The following FAM107B variants were observed in gnomAD, a reference collection of about 807,000 sequenced individuals.
FAM107B encodes family with sequence similarity 107 member B.
A neutral mutation model predicts 31.5 loss-of-function variants in FAM107B; 21 were observed. That is an observed-to-expected ratio of 0.67 (90% CI 0.47 to 0.96). FAM107B has a LOEUF of 0.96. Ranked by LOEUF, FAM107B falls within the 40% of genes least tolerant of loss-of-function variation. The pLI, the probability that FAM107B is intolerant of heterozygous loss-of-function variation, is 0.00. For synonymous variants in FAM107B, 157 were observed against 141.5 expected (o/e 1.11, Z -0.78); for missense variants, 452 against 377.1 (o/e 1.20, Z -1.64).
At chr10:14,688,333 A>G (rs777978598) in intron 1 of FAM107B, among the ~76,000 whole-genome samples, 64 of 152,218 alleles carry the variant, frequency 4.2e-4, no homozygotes, top group Non-Finnish European at 7.2e-4. Flanking sequence ...CAGAAGGCCT[A>G]TTGTGGGACT....
intron 1 of FAM107B, among the ~76,000 whole-genome samples, chr10:14,703,030 C>A (rs1855436936): frequency 6.8e-6 from 1 of 146,280 alleles, no homozygotes; most frequent in Non-Finnish European, 1.5e-5. Flanking sequence ...AATCTCTATT[C>A]CCCCACCCAT....
chr10:14,575,549 C>T (rs1851439079), intron 2 of FAM107B, among the ~76,000 whole-genome samples: 1 of 152,108 alleles, frequency 6.6e-6, no homozygotes, highest in Non-Finnish European at 1.5e-5. Context: ...CAAGAAAAAG[C>T]ACTGTGTGAT....
chr10:14,718,825 G>A (rs971401581), intron 1 of FAM107B, among the ~76,000 whole-genome samples: 3 of 152,212 alleles, frequency 2.0e-5, no homozygotes, highest in Non-Finnish European at 4.4e-5. Flanking sequence ...CATTGCAGTT[G>A]ATGAACAACA....
intron 1 of FAM107B, among the ~76,000 whole-genome samples, chr10:14,774,014 A>T (rs551973474): frequency 2.6e-5 from 4 of 152,206 alleles, no homozygotes; most frequent in Non-Finnish European, 4.4e-5. Flanking sequence ...CCGTTAATTC[A>T]AGGTTACCTT....
At chr10:14,765,359 T>G (rs1186014848) in intron 1 of FAM107B, among the ~76,000 whole-genome samples, 1 of 152,226 alleles carries the variant, frequency 6.6e-6, no homozygotes, top group Non-Finnish European at 1.5e-5. Context: ...ATCTGCACCA[T>G]GTAAATTTTC....
chr10:14,607,027 C>T (rs1053691380), intron 2 of FAM107B, among the ~76,000 whole-genome samples: 1 of 152,174 alleles, frequency 6.6e-6, no homozygotes, highest in East Asian at 1.9e-4. Flanking sequence ...CAGCAGTGAG[C>T]CTGACTTCTC....
intron 1 of FAM107B, among the ~76,000 whole-genome samples, chr10:14,690,859 T>C (rs1855117005): frequency 6.6e-6 from 1 of 152,230 alleles, no homozygotes; most frequent in South Asian, 2.1e-4. Context: ...GAGAACAGGA[T>C]GCAAAAACTA....
At chr10:14,696,610 A>G (rs955791524) in intron 1 of FAM107B, among the ~76,000 whole-genome samples, 1 of 152,212 alleles carries the variant, frequency 6.6e-6, no homozygotes, top group African/African-American at 2.4e-5. Flanking sequence ...GGCAGGATTC[A>G]GTCATGAAAT....
intron 2 of FAM107B, among the ~76,000 whole-genome samples, chr10:14,595,525 G>C (rs773069823): frequency 1.4e-5 from 2 of 143,884 alleles, no homozygotes; most frequent in Middle Eastern, 3.8e-3. Context: ...TCCTGAGTTC[G>C]AGCGATTCTC....
rs536407318 is a variant in FAM107B, at chr10:14,570,318, C to T, written c.470-39803G>A. On this transcript the variant is annotated intron_variant, in intron 2 of 4. Transcript: ENST00000181796. ...GATTTTTACCCAATATCTGTGTACA[C>T]CAAGGCCCAGCAGGGCAGGGTGGTT... 3.3e-5 allele frequency among the ~76,000 whole-genome samples: 5 copies of T among 151,450 alleles called. No individual in the cohort carries two copies. In the East Asian group the frequency reaches 5.8e-4, roughly 18 times the overall value.
chr10:14,721,664 A>G lies in FAM107B; in HGVS notation c.411+52589T>C, dbSNP rs539648800. ...GTCTTCTTTTGAGAAGTGTCTGTTC[A>G]TATCCTTCACCCACTTTTTGTTGGG... On this transcript the variant is annotated intron_variant, in intron 1 of 4. Transcript: ENST00000181796. Among the ~76,000 whole-genome samples the G allele has an allele frequency of 2.2e-3, 335 of 152,286 alleles. 1 individual carries two copies. Among genetic ancestry groups the G allele is most frequent in the African/African-American group, 7.7e-3 (321 of 41,560 alleles).
At chr10:14,560,649 T>C (rs1162750044) in intron 2 of FAM107B, among the ~76,000 whole-genome samples, 2 of 152,154 alleles carry the variant, frequency 1.3e-5, no homozygotes, top group African/African-American at 2.4e-5. Flanking sequence ...GAGACAGGTA[T>C]GAGGGACACT....
intron 2 of FAM107B, among the ~76,000 whole-genome samples, chr10:14,626,652 C>T (rs1334616571): frequency 1.3e-5 from 2 of 152,086 alleles, no homozygotes; most frequent in East Asian, 1.9e-4. Flanking sequence ...TACAGGCGCC[C>T]GCCACCACAC....
chr10:14,746,480 G>T (rs533137040), intron 1 of FAM107B, among the ~76,000 whole-genome samples: 1 of 152,120 alleles, frequency 6.6e-6, no homozygotes, highest in African/African-American at 2.4e-5. Flanking sequence ...CTCTTGCAAG[G>T]CAGGCCTGGT....
rs1417657286 is a variant in FAM107B, at chr10:14,518,770, G to A, written c.*2420C>T. 2.0e-5 allele frequency: 3 copies of A among 152,592 alleles called. No individual in the cohort carries two copies. The highest frequency in any genetic ancestry group is 2.1e-4 in the South Asian group (1 of 4,824). 9.5% of individuals were successfully genotyped at this position (152,592 alleles called of 1,614,324 possible). A position where few individuals can be genotyped will look rare whatever the true frequency, so the allele number is the denominator to read the frequency against. ...TTTTTCAGAGTAGAAGAATAAAGTC[G>A]ACTGTTATAGCTTAGAAAGCAACAC... On this transcript the variant is annotated 3_prime_UTR_variant, in exon 5 of 5. Transcript: ENST00000181796.
At chr10:14,533,559 A>T (rs1017162044) in intron 2 of FAM107B, among the ~76,000 whole-genome samples, 2 of 152,126 alleles carry the variant, frequency 1.3e-5, no homozygotes, top group Non-Finnish European at 2.9e-5. Flanking sequence ...TACCTGACTG[A>T]CTGGCCCTCT....
chr10:14,576,376 A>C (rs1473203291), intron 2 of FAM107B, among the ~76,000 whole-genome samples: 3 of 152,118 alleles, frequency 2.0e-5, no homozygotes, highest in Non-Finnish European at 4.4e-5. Context: ...AAAATTCAAA[A>C]ATTAGCTGGG....
intron 1 of FAM107B, among the ~76,000 whole-genome samples, chr10:14,697,332 C>G (rs889306919): frequency 6.6e-6 from 1 of 152,234 alleles, no homozygotes; most frequent in African/African-American, 2.4e-5. Context: ...GGAGGCAGAA[C>G]AGTTCCTTCA....
intron 2 of FAM107B, among the ~76,000 whole-genome samples, chr10:14,587,279 G>T (rs1269422722): frequency 6.6e-6 from 1 of 152,090 alleles, no homozygotes; most frequent in Non-Finnish European, 1.5e-5. Flanking sequence ...AAAAGCCTGA[G>T]GATAATGACA....
Sources: gnomAD v4.1 joint callset for allele counts (sites outside exome capture counted in the v4.1 genomes callset) on GRCh38, gnomAD v4.1.1 for gene constraint, MANE v1.5 for transcripts, NCBI Gene and HGNC (gene_info 2026-07-23, HGNC 2026-07-21) for gene names.